The following CHD9 variants were observed in gnomAD, a reference collection of about 807,000 sequenced individuals.
The protein encoded by CHD9 is chromodomain helicase DNA binding protein 9, also known as ATP-dependent chromatin remodeler CHD9.
CHD9 carries 77 observed loss-of-function variants against 316.1 expected under a neutral mutation model. The observed-to-expected ratio is 0.24, with a 90% CI of 0.20 to 0.29. The LOEUF (loss-of-function observed/expected upper bound fraction) is 0.29. CHD9 is among the 10% of genes least tolerant of loss of function. The pLI is 1.00. For synonymous variants in CHD9, 1,129 were observed against 1,158.3 expected (o/e 0.97, Z 0.51); for missense variants, 2,763 against 3,438.1 (o/e 0.80, Z 4.91).
intron 20 of CHD9, among the ~76,000 whole-genome samples, chr16:53,265,238 C>CA (rs1280938544): frequency 6.6e-6 from 1 of 151,806 alleles, no homozygotes; most frequent in South Asian, 2.1e-4. Flanking sequence ...CTGTTCTCTA[C>CA]AAAAAAATTT....
intron 30 of CHD9, among the ~76,000 whole-genome samples, chr16:53,300,220 G>T (rs1440097647): frequency 6.6e-6 from 1 of 152,096 alleles, no homozygotes; most frequent in Non-Finnish European, 1.5e-5. Context: ...GGGTGTAGTG[G>T]CACGCACCTG....
intron 1 of CHD9, among the ~76,000 whole-genome samples, chr16:53,154,149 A>T (rs1305960580): frequency 6.6e-6 from 1 of 152,204 alleles, no homozygotes; most frequent in Non-Finnish European, 1.5e-5. Context: ...TTCAATTGAT[A>T]TTTATTACTC....
chr16:53,278,135 C>G (rs2053040274), intron 24 of CHD9, among the ~76,000 whole-genome samples: 1 of 152,128 alleles, frequency 6.6e-6, no homozygotes. Context: ...AAACACATCC[C>G]ATGCTCATGG....
rs763026027 is a variant in CHD9, at chr16:53,318,351, GT to G, written c.7713+18del. ...AGAAATGCTAGAAAGGTATTTTAAT[GT>G]TTTTTTCTTAATCTTTTGTATTGAT... On this transcript the variant is annotated intron_variant, in intron 37 of 38. Coordinates refer to ENST00000447540, the MANE Select transcript of CHD9 (RefSeq NM_001308319.2). 5.7e-5 allele frequency: 90 copies of G among 1,581,746 alleles called. No homozygotes were observed. Among genetic ancestry groups the G allele is most frequent in the Non-Finnish European group, 6.6e-5 (77 of 1,164,882 alleles).
chr16:53,100,819 A>T (rs1332756142), intron 1 of CHD9, among the ~76,000 whole-genome samples: 1 of 152,188 alleles, frequency 6.6e-6, no homozygotes, highest in African/African-American at 2.4e-5. Flanking sequence ...TTGGCAAGTC[A>T]CTATAGGCCT....
At chr16:53,223,417 GC>G (rs1466611063) in intron 4 of CHD9, 1 of 152,534 alleles carries the variant, frequency 6.6e-6, no homozygotes, top group African/African-American at 2.4e-5. Flanking sequence ...GGGCCAGAAA[GC>G]CCCTGAATGG....
intron 1 of CHD9, among the ~76,000 whole-genome samples, chr16:53,085,354 C>T (rs2035377279): frequency 6.6e-6 from 1 of 152,108 alleles, no homozygotes; most frequent in Admixed American, 6.6e-5. Flanking sequence ...CAGACCCAGC[C>T]TGCCTTTGAT....
At chr16:53,116,576 A>C (rs1199566400) in intron 1 of CHD9, among the ~76,000 whole-genome samples, 1 of 152,200 alleles carries the variant, frequency 6.6e-6, no homozygotes, top group Non-Finnish European at 1.5e-5. Flanking sequence ...AAGAAACAAC[A>C]GATGCTGGTG....
chr16:53,065,218 G>A (rs893686403), intron 1 of CHD9, among the ~76,000 whole-genome samples: 1 of 152,182 alleles, frequency 6.6e-6, no homozygotes, highest in African/African-American at 2.4e-5. Context: ...GGATACAAGA[G>A]TCTAGAGTGG....
At chr16:53,070,714 C>T (rs1262612347) in intron 1 of CHD9, among the ~76,000 whole-genome samples, 2 of 152,058 alleles carry the variant, frequency 1.3e-5, no homozygotes, top group Non-Finnish European at 2.9e-5. Flanking sequence ...CCACCATGCC[C>T]AGCTAATTTT....
At chr16:53,240,478 C>A (rs914874216) in intron 12 of CHD9, among the ~76,000 whole-genome samples, 3 of 151,862 alleles carry the variant, frequency 2.0e-5, no homozygotes, top group Admixed American at 1.3e-4. Flanking sequence ...GTTACAAATT[C>A]TAGATATATA....
chr16:53,067,754 C>T (rs1030193292), intron 1 of CHD9, among the ~76,000 whole-genome samples: 12 of 152,154 alleles, frequency 7.9e-5, no homozygotes, highest in South Asian at 6.2e-4. Flanking sequence ...GCTAAGGTAG[C>T]GTTTGTCAGG....
At chr16:53,118,181 C>T (rs907509207) in intron 1 of CHD9, among the ~76,000 whole-genome samples, 8 of 152,200 alleles carry the variant, frequency 5.3e-5, no homozygotes, top group Non-Finnish European at 1.0e-4. Flanking sequence ...CCTTGGGAGG[C>T]GGAGGCGGGT....
Position 53,245,378 on chromosome 16 carries a change from G to T in CHD9, c.3097G>T (p.Val1033Phe), listed in dbSNP as rs760735255. The T allele has an allele frequency of 1.3e-6, 2 of 1,578,070 alleles. No individual in the cohort carries two copies. The highest frequency in any genetic ancestry group is 2.3e-5 in the East Asian group (1 of 43,930). Residue 1033 changes from valine (V) to phenylalanine (F), a missense_variant, in exon 14 of 39, where the codon GTT becomes TTT. Coordinates refer to ENST00000447540, the MANE Select transcript of CHD9 (RefSeq NM_001308319.2). This position sits in a 1 kb window ranked among gnomAD's most constrained non-coding sequence, Gnocchi z 4.1. Reference protein sequence around the residue: ...LLTGTPLQNTVEELFSLLHFL... With the variant: ...LLTGTPLQNTFEELFSLLHFL... ...GACTGGCACCCCTCTCCAAAATACA[G>T]TTGAAGAACTATTTAGTCTTCTTCA...
chr16:53,097,381 TTCC>T (rs775973917), intron 1 of CHD9, among the ~76,000 whole-genome samples: 3 of 150,270 alleles, frequency 2.0e-5, no homozygotes, highest in African/African-American at 4.9e-5. Flanking sequence ...CCTTCCTTCC[TTCC>T]TTCCTTCCTT....
In CHD9 at chr16:53,308,783, C is replaced by G. The variant is rs1433661497; in HGVS notation, c.7151C>G (p.Thr2384Ser). The G allele has an allele frequency of 6.2e-7, 1 of 1,613,700 alleles. No individual in the cohort carries two copies. Among genetic ancestry groups the G allele is most frequent in the Non-Finnish European group, 8.5e-7 (1 of 1,179,792 alleles). The change falls in exon 34 of 39, where the codon ACT becomes AGT. Residue 2384 changes from threonine to serine, a missense_variant. By Grantham distance (58) the Thr-to-Ser change is moderately conservative. Coordinates refer to ENST00000447540, the MANE Select transcript of CHD9 (RefSeq NM_001308319.2). The part of the protein sequence containing the change: ...DGALGQQQYL[T>S]RLRELQSASE... Reference sequence around the variant, plus strand: ...GCTCTGGGGCAGCAGCAGTACCTCACTCGGCTTCGAGAGCTTCAAAGTGCA... The same window carrying G: ...GCTCTGGGGCAGCAGCAGTACCTCAGTCGGCTTCGAGAGCTTCAAAGTGCA...
chr16:53,246,275 T>C (rs2152957498), intron 15 of CHD9, among the ~76,000 whole-genome samples: 1 of 152,322 alleles, frequency 6.6e-6, no homozygotes, highest in African/African-American at 2.4e-5. Context: ...GTACAATGTT[T>C]GGGTTTTTCA....
chr16:53,085,015 A>G (rs770840244), intron 1 of CHD9, among the ~76,000 whole-genome samples: 4 of 152,196 alleles, frequency 2.6e-5, no homozygotes, highest in Non-Finnish European at 4.4e-5. Context: ...CGTCTTTTGC[A>G]ATACTTTTTA....
chr16:53,155,317 G>A (rs2152744471), intron 1 of CHD9, among the ~76,000 whole-genome samples: 1 of 151,720 alleles, frequency 6.6e-6, no homozygotes, highest in South Asian at 2.1e-4. Flanking sequence ...CAACCTCTCA[G>A]GCTCAAGCAG....
Sources: allele counts gnomAD v4.1 joint callset (sites outside exome capture counted in the v4.1 genomes callset), GRCh38; gene constraint gnomAD v4.1.1; non-coding constraint Gnocchi (gnomAD v3.1); transcripts MANE v1.5; gene names NCBI Gene and HGNC (gene_info 2026-07-23, HGNC 2026-07-21).